TMC1: variants seen among roughly 807,000 people sequenced by gnomAD.
TMC1 encodes transmembrane channel like 1.
In TMC1, 84 loss-of-function variants were observed where a neutral mutation model predicts 105.8. The observed-to-expected ratio is 0.79, with a 90% CI of 0.67 to 0.95. TMC1 has a LOEUF of 0.95. Among genes scored for constraint, TMC1 ranks in the 40% least tolerant of loss-of-function variants. The pLI is 0.00. For missense variants in TMC1, 817 were observed against 914.1 expected (o/e 0.89, Z 1.37); for synonymous variants, 315 against 311.5 (o/e 1.01, Z -0.12).
intron 23 of TMC1, 35 bp from the exon 24 acceptor site, chr9:72,835,915 GT>G (rs754537281): frequency 0.064 from 83,397 of 1,296,502 alleles, 30 homozygotes; most frequent in East Asian, 0.071. Context: ...CTCTCTCCTT[GT>G]TTTTTTTTTT....
chr9:72,772,436 C>T lies in TMC1; in HGVS notation c.765C>T (p.Leu255=), dbSNP rs201230747. 8.1e-6 allele frequency: 13 copies of T among 1,613,788 alleles called. No individual in the cohort carries two copies. The highest frequency in any genetic ancestry group is 1.1e-5 in the Non-Finnish European group (13 of 1,179,822). Residue 255 remains leucine (L), a synonymous_variant, in exon 13 of 24, where the codon CTC becomes CTT. Coordinates refer to ENST00000297784, the MANE Select transcript of TMC1 (RefSeq NM_138691.3). Reference sequence around the variant, plus strand: ...AGGGTTTGGCACAATATTCCGTTCTCTTTTATGGCTATTATGACAATAAAC... The same window carrying T: ...AGGGTTTGGCACAATATTCCGTTCTTTTTTATGGCTATTATGACAATAAAC... ...DFNGLAQYSV[L]FYGYYDNKRT...
intron 18 of TMC1, among the ~76,000 whole-genome samples, chr9:72,814,403 T>C (rs1828750398): frequency 6.6e-6 from 1 of 152,172 alleles, no homozygotes; most frequent in Admixed American, 6.5e-5. Context: ...ACACATTTTT[T>C]TTCCATTGAT....
intron 11 of TMC1, among the ~76,000 whole-genome samples, chr9:72,752,447 A>AACACACACACACACACACACACAC (rs10640023): frequency 2.7e-5 from 4 of 149,106 alleles, no homozygotes; most frequent in African/African-American, 9.9e-5. Context: ...TAATGCCCAC[A>AACACACACACACACACACACACAC]ACACACACAC....
At chr9:72,734,458 G>GA (rs1018126979) in intron 8 of TMC1, among the ~76,000 whole-genome samples, 33 of 151,742 alleles carry the variant, frequency 2.2e-4, no homozygotes, top group African/African-American at 7.0e-4. Flanking sequence ...TTTGCCTTAG[G>GA]AAAAAAATGT....
At chr9:72,811,642 G>A (rs1224000292) in intron 18 of TMC1, among the ~76,000 whole-genome samples, 2 of 152,144 alleles carry the variant, frequency 1.3e-5, no homozygotes. Context: ...GCATGATGGG[G>A]TAAGGGAATG....
intron 2 of TMC1, among the ~76,000 whole-genome samples, chr9:72,599,456 G>A (rs1318595680): frequency 6.6e-6 from 1 of 152,214 alleles, no homozygotes; most frequent in African/African-American, 2.4e-5. Context: ...TGGGTGAGCA[G>A]ATCTCAGTTA....
At chr9:72,764,445 T>A (rs1440850311) in intron 12 of TMC1, among the ~76,000 whole-genome samples, 2 of 152,182 alleles carry the variant, frequency 1.3e-5, no homozygotes, top group Non-Finnish European at 2.9e-5. Flanking sequence ...GGAAAGAAAT[T>A]ATACATAAAA....
At chr9:72,695,038 A>C (rs1826525758) in intron 7 of TMC1, among the ~76,000 whole-genome samples, 1 of 152,154 alleles carries the variant, frequency 6.6e-6, no homozygotes, top group African/African-American at 2.4e-5. Context: ...TTAAGTAGAA[A>C]CTCCTAAATA....
intron 1 of TMC1, among the ~76,000 whole-genome samples, chr9:72,531,893 C>A (rs12347987): frequency 6.6e-6 from 1 of 152,066 alleles, no homozygotes; most frequent in Admixed American, 6.5e-5. Flanking sequence ...TCATTAGAAT[C>A]CTGCTAGCCC....
intron 1 of TMC1, among the ~76,000 whole-genome samples, chr9:72,564,939 T>A (rs920363332): frequency 1.2e-4 from 19 of 152,352 alleles, no homozygotes; most frequent in African/African-American, 4.1e-4. Context: ...AATACAGTAG[T>A]TTTAAAACAA....
intron 23 of TMC1, 130 bp from the exon 24 acceptor site, chr9:72,835,821 A>G: frequency 1.1e-6 from 1 of 950,830 alleles, no homozygotes; most frequent in Non-Finnish European, 1.6e-6. Context: ...CATTTGGACA[A>G]TACAGATTTC....
At chr9:72,620,797 A>C (rs1242419705) in intron 3 of TMC1, among the ~76,000 whole-genome samples, 2 of 152,192 alleles carry the variant, frequency 1.3e-5, no homozygotes, top group Admixed American at 1.3e-4. Flanking sequence ...TTAGCTATGA[A>C]AGGATGTAAA....
intron 23 of TMC1, 52 bp downstream of exon 23, chr9:72,830,734 C>CTTTTTTTTTTTTT (rs770040006): frequency 8.1e-7 from 1 of 1,235,818 alleles, no homozygotes; most frequent in Non-Finnish European, 1.1e-6. Context: ...TTTTCTTTTT[C>CTTTTTTTTTTTTT]TTTCTTTTTT....
intron 2 of TMC1, among the ~76,000 whole-genome samples, chr9:72,609,231 T>TCCTTCCTTCCTTCCTTCC: frequency 6.7e-6 from 1 of 149,696 alleles, no homozygotes; most frequent in South Asian, 2.2e-4. Context: ...CTTCCTTCCT[T>TCCTTCCTTCCTTCCTTCC]TTTGCTATTA....
chr9:72,767,846 T>G (rs1588073729), intron 12 of TMC1, among the ~76,000 whole-genome samples: 1 of 151,982 alleles, frequency 6.6e-6, no homozygotes, highest in African/African-American at 2.4e-5. Flanking sequence ...GGGCTAGGAG[T>G]CATTGCTATT....
At chr9:72,686,823 C>T (rs933302220) in intron 5 of TMC1, among the ~76,000 whole-genome samples, 1 of 152,206 alleles carries the variant, frequency 6.6e-6, no homozygotes, top group Admixed American at 6.5e-5. Context: ...GTCTTCATTG[C>T]ATCACTGAGA....
At chr9:72,830,858 G>A (rs1829032249) in intron 23 of TMC1, among the ~76,000 whole-genome samples, 176 bp downstream of exon 23, 1 of 151,332 alleles carries the variant, frequency 6.6e-6, no homozygotes, top group South Asian at 2.1e-4. Flanking sequence ...CACATCCAGG[G>A]TATTTGGTTG....
intron 5 of TMC1, chr9:72,656,200 G>C (rs983152094): frequency 3.7e-6 from 2 of 535,662 alleles, no homozygotes; most frequent in Non-Finnish European, 7.2e-6. Flanking sequence ...CATCACTGCT[G>C]CGCGGCTTCC....
chr9:72,830,429 A>T (rs1564583141), intron 21 of TMC1, 22 bp from the exon 22 acceptor site: 32 of 1,557,872 alleles, frequency 2.1e-5, no homozygotes, highest in Non-Finnish European at 2.8e-5. Flanking sequence ...CTTACACTGT[A>T]TTTTTTTTCT....
Sources: gnomAD v4.1 joint callset for allele counts (sites outside exome capture counted in the v4.1 genomes callset) on GRCh38, gnomAD v4.1.1 for gene constraint, MANE v1.5 for transcripts, NCBI Gene and HGNC (gene_info 2026-07-23, HGNC 2026-07-21) for gene names.